Variants in B4GALNT3 observed in about 807,000 individuals in gnomAD.
B4GALNT3 encodes beta-1,4-N-acetyl-galactosaminyltransferase 3.
A neutral mutation model predicts 120.2 loss-of-function variants in B4GALNT3; 86 were observed. That is an observed-to-expected ratio of 0.72 (90% CI 0.60 to 0.86). The LOEUF (loss-of-function observed/expected upper bound fraction) is 0.86. Ranked by LOEUF, B4GALNT3 falls within the 40% of genes least tolerant of loss-of-function variation. B4GALNT3 has a pLI of 0.00. For synonymous variants in B4GALNT3, 518 were observed against 510.4 expected, an observed-to-expected ratio of 1.01 and a Z score of -0.20; for missense variants, 1,167 against 1,298.9, an observed-to-expected ratio of 0.90 and a Z score of 1.56.
At position 557,593 on chromosome 12, in the gene B4GALNT3, G is replaced by T; in HGVS notation, c.2381-15G>T. The stretch of plus-strand genomic sequence containing the variant: ...TTGTCTGTGTTTCCTTCTCCTGCCT[G>T]ACCCCCTGGGGTAGTGAAGAACCAG... On this transcript the variant is annotated splice_polypyrimidine_tract_variant and intron_variant, in intron 15 of 19. Coordinates refer to ENST00000266383, the MANE Select transcript of B4GALNT3 (RefSeq NM_173593.4). 6.2e-7 allele frequency: 1 copy of T among 1,601,424 alleles called. No homozygotes were observed. The highest frequency in any genetic ancestry group is 8.5e-7 in the Non-Finnish European group (1 of 1,175,522).
intron 1 of B4GALNT3, among the ~76,000 whole-genome samples, chr12:461,431 T>C (rs1403695673): frequency 6.6e-6 from 1 of 152,226 alleles, no homozygotes; most frequent in East Asian, 1.9e-4. Flanking sequence ...TTCAACGTAC[T>C]GTGGATGGGC....
intron 3 of B4GALNT3, among the ~76,000 whole-genome samples, chr12:538,531 C>T (rs1356484876): frequency 2.1e-5 from 3 of 145,594 alleles, no homozygotes; most frequent in Non-Finnish European, 4.5e-5. Context: ...TGCACTCCAG[C>T]CTGAGTGACA....
chr12:543,430 C>T (rs112307121), intron 3 of B4GALNT3, among the ~76,000 whole-genome samples: 7,478 of 86,812 alleles, frequency 0.086, 155 homozygotes, highest in Middle Eastern at 0.15. Context: ...CTCATCTTCC[C>T]GGAGCTGAGG....
chr12:508,596 C>T (rs1946519138), intron 1 of B4GALNT3, among the ~76,000 whole-genome samples: 1 of 152,164 alleles, frequency 6.6e-6, no homozygotes, highest in Non-Finnish European at 1.5e-5. Context: ...TTGGGCACAG[C>T]CTCCGATCGG....
chr12:529,336 G>A (rs1394661731), intron 1 of B4GALNT3, among the ~76,000 whole-genome samples: 6 of 152,268 alleles, frequency 3.9e-5, no homozygotes, highest in South Asian at 2.1e-4. Context: ...GGTTGGGGTC[G>A]GGGTTAACCC....
intron 1 of B4GALNT3, among the ~76,000 whole-genome samples, chr12:498,935 G>A (rs751878850): frequency 1.3e-5 from 2 of 152,164 alleles, no homozygotes; most frequent in Non-Finnish European, 2.9e-5. Flanking sequence ...TCATGATGGT[G>A]TCAGCTGGAC....
chr12:511,792 C>CCTTCCACCTT (rs1180703788), intron 1 of B4GALNT3, among the ~76,000 whole-genome samples: 1 of 71,588 alleles, frequency 1.4e-5, no homozygotes, highest in Non-Finnish European at 2.8e-5. Context: ...CCACCTTCCA[C>CCTTCCACCTT]CTTCCACCTT....
chr12:549,998 C>A (rs192728896), intron 10 of B4GALNT3, 86 bp downstream of exon 10: 22 of 1,427,688 alleles, frequency 1.5e-5, no homozygotes, highest in South Asian at 1.3e-4. Flanking sequence ...GCTTGAGAGA[C>A]CTGCCAAGTA....
chr12:544,281 A>G (rs1292927782), intron 3 of B4GALNT3, 58 bp from the exon 4 acceptor site: 2 of 1,523,350 alleles, frequency 1.3e-6, no homozygotes, highest in Non-Finnish European at 1.8e-6. Flanking sequence ...GGAGCTGAGG[A>G]TCTGGGGCGG....
At chr12:511,451 A>ACCTTCTTCCACCTTCCACCTTCCC (rs1946557456) in intron 1 of B4GALNT3, among the ~76,000 whole-genome samples, 1 of 37,832 alleles carries the variant, frequency 2.6e-5, no homozygotes, top group Non-Finnish European at 4.4e-5. Flanking sequence ...TCCACCTTCC[A>ACCTTCTTCCACCTTCCACCTTCCC]CCTTCTTCCA....
intron 7 of B4GALNT3, among the ~76,000 whole-genome samples, chr12:547,730 A>C (rs1424952169): frequency 6.6e-6 from 1 of 152,064 alleles, no homozygotes; most frequent in Non-Finnish European, 1.5e-5. Flanking sequence ...AAGCATTTAG[A>C]ACAGTGTCTG....
chr12:542,079 C>T (rs930853433), intron 3 of B4GALNT3, among the ~76,000 whole-genome samples: 3 of 152,162 alleles, frequency 2.0e-5, no homozygotes, highest in African/African-American at 7.2e-5. Context: ...AACCCGCCAC[C>T]CACCTACCCA....
intron 1 of B4GALNT3, among the ~76,000 whole-genome samples, chr12:487,893 G>A (rs10849088): frequency 0.11 from 16,042 of 152,146 alleles, 988 homozygotes; most frequent in East Asian, 0.21. Flanking sequence ...TGAGGCTGCA[G>A]TGAGCTGTGG....
intron 1 of B4GALNT3, among the ~76,000 whole-genome samples, chr12:518,359 C>T (rs1208796001): frequency 6.6e-6 from 1 of 152,206 alleles, no homozygotes; most frequent in Non-Finnish European, 1.5e-5. Flanking sequence ...CGAGGATACT[C>T]AGGTCCCTTA....
Position 543,321 on chromosome 12 carries a change from G to A in B4GALNT3, c.352-1018G>A, listed in dbSNP as rs1946941762. ...CAGCCTCCCGGAGCTGAGGAGCTGG[G>A]ATGGGCATGGGGTGGTCACGCTCCC... On this transcript the variant is annotated intron_variant, in intron 3 of 19. Coordinates refer to ENST00000266383, the MANE Select transcript of B4GALNT3 (RefSeq NM_173593.4). The A allele has an allele frequency of 4.9e-6, 4 of 812,728 alleles. No individual in the cohort carries two copies. In the South Asian group the frequency reaches 5.9e-5, roughly 12 times the overall value. The allele number at this position is 812,728 out of a possible 1,614,324, so 50.3% of individuals were successfully genotyped here. A position where few individuals can be genotyped will look rare whatever the true frequency, so the allele number is the denominator to read the frequency against.
Position 563,418 on chromosome 12 carries a change from C to T in B4GALNT3, c.*1967C>T, listed in dbSNP as rs886931027. 3 of 152,286 alleles carry T rather than the reference C, an allele frequency of 2.0e-5. No homozygotes were observed. The highest frequency in any genetic ancestry group is 1.3e-4 in the Admixed American group (2 of 15,292). The allele number at this position is 152,286 out of a possible 1,614,324, so 9.4% of individuals were successfully genotyped here. A position where few individuals can be genotyped will look rare whatever the true frequency, so the allele number is the denominator to read the frequency against. The stretch of plus-strand genomic sequence containing the variant: ...TTAAGAGGAAGGGCCGGGCAAGGCC[C>T]CTACTCCCTAGAGAAATGTCTTGGG... On this transcript the variant is annotated 3_prime_UTR_variant, in exon 20 of 20. Coordinates refer to ENST00000266383, the MANE Select transcript of B4GALNT3 (RefSeq NM_173593.4).
At chr12:471,008 C>T (rs541071998) in intron 1 of B4GALNT3, among the ~76,000 whole-genome samples, 98 of 152,012 alleles carry the variant, frequency 6.4e-4, no homozygotes, top group African/African-American at 2.2e-3. Context: ...GGATTACAGG[C>T]GTGAGCCACC....
intron 1 of B4GALNT3, among the ~76,000 whole-genome samples, chr12:464,698 C>G (rs1219305389): frequency 6.6e-6 from 1 of 152,062 alleles, no homozygotes; most frequent in Non-Finnish European, 1.5e-5. Context: ...GGCGCAAATC[C>G]AAGACAGAAG....
In B4GALNT3 at chr12:556,013, GACCTTGT is replaced by G. The variant is rs1204532820; in HGVS notation, c.2061-533_2061-527del. On this transcript the variant is annotated intron_variant, in intron 14 of 19. Transcript: ENST00000266383. ...TTAGCCAGGCTGGTCTTGATCTCCT[GACCTTGT>G]GATCCACCTGCCTTGGCCTCCCAAA... 2.1e-3 allele frequency among the ~76,000 whole-genome samples: 320 copies of G among 151,906 alleles called. 2 individuals are homozygous for G. The highest frequency in any genetic ancestry group is 4.2e-3 in the Admixed American group (64 of 15,250).
Sources: gnomAD v4.1 joint callset for allele counts (sites outside exome capture counted in the v4.1 genomes callset) on GRCh38, gnomAD v4.1.1 for gene constraint, MANE v1.5 for transcripts, NCBI Gene and HGNC (gene_info 2026-07-23, HGNC 2026-07-21) for gene names.